The following CEP83 variants were observed in gnomAD, a reference collection of about 807,000 sequenced individuals.
CEP83 encodes the protein centrosomal protein 83.
A neutral mutation model predicts 101.9 loss-of-function variants in CEP83; 70 were observed. The observed-to-expected ratio is 0.69, with a 90% CI of 0.57 to 0.84. CEP83 has a LOEUF of 0.84. Ranked by LOEUF, CEP83 falls within the 40% of genes least tolerant of loss-of-function variation. The pLI is 0.00. For synonymous variants in CEP83, 264 were observed against 267.9 expected (o/e 0.99, Z 0.14); for missense variants, 715 against 787.2 (o/e 0.91, Z 1.10).
intron 11 of CEP83, among the ~76,000 whole-genome samples, chr12:94,343,616 A>C (rs2059801062): frequency 6.7e-6 from 1 of 149,364 alleles, no homozygotes; most frequent in Admixed American, 6.7e-5. Context: ...CAGCCTCCCG[A>C]GTAGCTGGGA....
intron 6 of CEP83, among the ~76,000 whole-genome samples, chr12:94,394,831 C>T (rs1204143636): frequency 6.6e-6 from 1 of 152,156 alleles, no homozygotes; most frequent in Non-Finnish European, 1.5e-5. Flanking sequence ...AGACACTTCT[C>T]AAAAGAAGAC....
At chr12:94,459,928 A>C (rs2068026206), upstream of CEP83, 3 of 152,386 alleles carry the variant, frequency 2.0e-5, no homozygotes, top group South Asian at 4.1e-4. Context: ...CCGCCCCACC[A>C]GCCTGGAGGA....
At chr12:94,289,458 A>G in the CEP83 span, among the ~76,000 whole-genome samples, 6 of 152,292 alleles carry the variant, frequency 3.9e-5, no homozygotes, top group East Asian at 1.2e-3. Context: ...TGGAGAAACA[A>G]TCCTGCTGCA....
the CEP83 span, among the ~76,000 whole-genome samples, chr12:94,293,697 C>T: frequency 6.6e-6 from 1 of 152,204 alleles, no homozygotes; most frequent in Admixed American, 6.5e-5. Flanking sequence ...GGGCTCACTG[C>T]AGCCTTGGAT....
intron 11 of CEP83, among the ~76,000 whole-genome samples, chr12:94,339,596 G>A (rs1020254722): frequency 1.3e-5 from 2 of 152,156 alleles, no homozygotes; most frequent in African/African-American, 4.8e-5. Context: ...TTCATTTAAT[G>A]TGAGTCCCTG....
intron 11 of CEP83, among the ~76,000 whole-genome samples, chr12:94,353,745 A>C (rs2060309786): frequency 6.7e-6 from 1 of 150,290 alleles, no homozygotes; most frequent in Admixed American, 6.6e-5. Flanking sequence ...AAAAAAAAAA[A>C]CACTCCATGC....
intron 14 of CEP83, among the ~76,000 whole-genome samples, chr12:94,321,616 C>T (rs1170033350): frequency 6.6e-6 from 1 of 152,150 alleles, no homozygotes; most frequent in Non-Finnish European, 1.5e-5. Flanking sequence ...AGGACTGGGA[C>T]TTGCATAGAG....
rs768081253 is a variant in CEP83 at position 94,335,625 on chromosome 12, T to C, written c.1383A>G (p.Ala461=). 27 of 1,588,442 alleles carry C rather than the reference T, an allele frequency of 1.7e-5. No homozygotes were observed. The highest frequency in any genetic ancestry group is 4.1e-5 in the African/African-American group (3 of 73,514). Residue 461 remains alanine, a synonymous_variant, in exon 12 of 17, where the codon GCA becomes GCG. Coordinates refer to ENST00000397809, the MANE Select transcript of CEP83 (RefSeq NM_016122.3). ...CAGAATTTTCATTTTTTTCCTTCTC[T>C]GCATTTTCAATAGTCACAATTTGTT... ...LQQQIVTIEN[A]EKEKNENSDL... is the part of the protein sequence containing the mutation.
chr12:94,453,746 T>TG (rs2067426538), intron 1 of CEP83, among the ~76,000 whole-genome samples: 1 of 152,154 alleles, frequency 6.6e-6, no homozygotes, highest in Admixed American at 6.5e-5. Context: ...CCATGAAAGG[T>TG]GAAGTGACTC....
intron 14 of CEP83, among the ~76,000 whole-genome samples, chr12:94,328,853 G>C (rs2059085595): frequency 6.6e-6 from 1 of 152,190 alleles, no homozygotes; most frequent in Admixed American, 6.5e-5. Context: ...GTCAACTTTT[G>C]ATTCTTACTA....
the CEP83 span, among the ~76,000 whole-genome samples, chr12:94,299,544 C>T: frequency 6.6e-6 from 1 of 150,536 alleles, no homozygotes; most frequent in African/African-American, 2.4e-5. Context: ...GGCTTGCTCC[C>T]TTCTCTTCCT....
chr12:94,450,205 A>C (rs2067145958), intron 1 of CEP83, among the ~76,000 whole-genome samples: 1 of 152,220 alleles, frequency 6.6e-6, no homozygotes, highest in Admixed American at 6.5e-5. Flanking sequence ...GGAAAGAAAA[A>C]GTATCGTTTT....
the CEP83 span, among the ~76,000 whole-genome samples, chr12:94,268,088 G>A: frequency 6.6e-6 from 1 of 152,168 alleles, no homozygotes; most frequent in Non-Finnish European, 1.5e-5. Flanking sequence ...ACAGAACCTG[G>A]TGCCAAGGCA....
At chr12:94,432,384 G>A (rs1183085660) in intron 2 of CEP83, among the ~76,000 whole-genome samples, 1 of 151,920 alleles carries the variant, frequency 6.6e-6, no homozygotes, top group African/African-American at 2.4e-5. Context: ...TTTAAATGTG[G>A]TATATATACA....
intron 5 of CEP83, among the ~76,000 whole-genome samples, chr12:94,401,673 A>T (rs2137590155): frequency 6.6e-6 from 1 of 152,312 alleles, no homozygotes; most frequent in Middle Eastern, 3.4e-3. Context: ...TACCCAGCTC[A>T]CCATAAATCT....
chr12:94,345,303 T>C (rs1593289925), intron 11 of CEP83, among the ~76,000 whole-genome samples: 1 of 152,346 alleles, frequency 6.6e-6, no homozygotes, highest in East Asian at 1.9e-4. Flanking sequence ...GGTTTACATA[T>C]ACATATGGGT....
intron 11 of CEP83, among the ~76,000 whole-genome samples, chr12:94,349,869 C>T (rs917056025): frequency 1.3e-5 from 2 of 152,030 alleles, no homozygotes; most frequent in African/African-American, 4.8e-5. Flanking sequence ...ACAATGAATA[C>T]TATGAAAAGG....
intron 6 of CEP83, among the ~76,000 whole-genome samples, chr12:94,398,513 TC>T (rs1452801531): frequency 1.3e-4 from 20 of 152,342 alleles, no homozygotes; most frequent in Admixed American, 9.1e-4. Context: ...CCTGTTATCT[TC>T]ATAAGCTGAG....
At chr12:94,365,536 G>A (rs191559316) in intron 11 of CEP83, among the ~76,000 whole-genome samples, 67 of 152,212 alleles carry the variant, frequency 4.4e-4, no homozygotes, top group African/African-American at 1.4e-3. Flanking sequence ...CTGGGAGGCC[G>A]AGGTGGGCAG....
Sources: gnomAD v4.1 joint callset for allele counts (sites outside exome capture counted in the v4.1 genomes callset) on GRCh38, gnomAD v4.1.1 for gene constraint, MANE v1.5 for transcripts, NCBI Gene and HGNC (gene_info 2026-07-23, HGNC 2026-07-21) for gene names.